Variants in NHS observed in about 807,000 individuals in gnomAD.
The protein encoded by NHS is actin remodeling regulator NHS.
NHS carries 5 observed loss-of-function variants against 72.5 expected under a neutral mutation model. That is an observed-to-expected ratio of 0.07 (90% CI 0.04 to 0.14). The LOEUF is 0.14. NHS is among the 10% of genes least tolerant of loss of function. NHS has a pLI of 1.00. For synonymous variants in NHS, 464 were observed against 547.7 expected, an observed-to-expected ratio of 0.85 and a Z score of 2.13; for missense variants, 1,072 against 1,355.7, an observed-to-expected ratio of 0.79 and a Z score of 3.29.
At chrX:17,571,539 A>G (rs4517248) in intron 1 of NHS, among the ~76,000 whole-genome samples, 49,333 of 109,531 alleles carry the variant, frequency 0.45, 8,992 homozygotes, top group East Asian at 0.76. Context: ...TTTTTATTGC[A>G]TCTATTTGAT....
intron 1 of NHS, among the ~76,000 whole-genome samples, chrX:17,503,510 T>G (rs2065044557): frequency 9.0e-6 from 1 of 111,648 alleles, no homozygotes; most frequent in African/African-American, 3.3e-5. Flanking sequence ...ATTTTACAGA[T>G]GAGGAAATAG....
At chrX:17,642,578 C>G (rs899649517) in intron 1 of NHS, among the ~76,000 whole-genome samples, 5 of 111,590 alleles carry the variant, frequency 4.5e-5, no homozygotes, top group Non-Finnish European at 9.4e-5. Flanking sequence ...AATATTAGTT[C>G]GCTTCTGGCA....
At chrX:17,678,022 G>T (rs974963525) in intron 1 of NHS, among the ~76,000 whole-genome samples, 4 of 111,305 alleles carry the variant, frequency 3.6e-5, no homozygotes, top group African/African-American at 9.8e-5. Context: ...ATGGGGTTCT[G>T]CTGTGTTGCC....
intron 1 of NHS, among the ~76,000 whole-genome samples, chrX:17,448,457 C>T (rs1341245029): frequency 8.9e-6 from 1 of 111,902 alleles, no homozygotes; most frequent in African/African-American, 3.2e-5. Context: ...TGCCTTTCTC[C>T]TTTCATGAAT....
chrX:17,611,040 A>T (rs1369846686), intron 1 of NHS, among the ~76,000 whole-genome samples: 1 of 112,407 alleles, frequency 8.9e-6, no homozygotes, highest in Non-Finnish European at 1.9e-5. Flanking sequence ...TGCGCTTAAG[A>T]TGAATCTTGA....
At chrX:17,448,037 T>C (rs1231363453) in intron 1 of NHS, among the ~76,000 whole-genome samples, 2 of 111,860 alleles carry the variant, frequency 1.8e-5, no homozygotes, top group Non-Finnish European at 3.8e-5. Context: ...ATCTGTAAGA[T>C]TGGGTTTTGA....
intron 6 of NHS, 66 bp from the exon 7 acceptor site, chrX:17,725,281 T>C: frequency 1.9e-6 from 2 of 1,063,109 alleles, no homozygotes; most frequent in Non-Finnish European, 2.6e-6. Flanking sequence ...TCTACAGACA[T>C]AGCTCAGAAT....
chrX:17,723,775 G>GCACA (rs1412050028), intron 5 of NHS, among the ~76,000 whole-genome samples: 2 of 106,295 alleles, frequency 1.9e-5, no homozygotes, highest in African/African-American at 7.1e-5. Flanking sequence ...GTGTGTGCGC[G>GCACA]CGCGTGCGCG....
intron 1 of NHS, among the ~76,000 whole-genome samples, chrX:17,570,566 T>G: frequency 8.9e-6 from 1 of 111,779 alleles, no homozygotes; most frequent in East Asian, 2.8e-4. Context: ...AAGGAGATTT[T>G]GGGCTGAGAT....
intron 1 of NHS, among the ~76,000 whole-genome samples, chrX:17,666,847 A>G (rs180721819): frequency 3.6e-5 from 4 of 112,437 alleles, no homozygotes; most frequent in Admixed American, 2.8e-4. Context: ...GAGAGAACAA[A>G]GGCTCTTGGG....
chrX:17,649,401 A>T (rs1258473848), intron 1 of NHS, among the ~76,000 whole-genome samples: 1 of 110,960 alleles, frequency 9.0e-6, no homozygotes, highest in Non-Finnish European at 1.9e-5. Context: ...TTTACATTGG[A>T]TAAGGTTTTC....
chrX:17,445,758 G>A (rs772174461), intron 1 of NHS, among the ~76,000 whole-genome samples: 1 of 100,945 alleles, frequency 9.9e-6, no homozygotes, highest in African/African-American at 3.6e-5. Flanking sequence ...AAAAAAAAAG[G>A]GGGGGGGGAC....
chrX:17,615,162 TA>T (rs1569294060), intron 1 of NHS, among the ~76,000 whole-genome samples: 1 of 38,784 alleles, frequency 2.6e-5, no homozygotes, highest in African/African-American at 9.7e-5. Flanking sequence ...GTATATATAC[TA>T]TATATATACG....
chrX:17,660,754 T>C (rs2065978493), intron 1 of NHS, among the ~76,000 whole-genome samples: 1 of 112,023 alleles, frequency 8.9e-6, no homozygotes, highest in Non-Finnish European at 1.9e-5. Context: ...AGGTTGGGCC[T>C]GTGTCTTGTT....
chrX:17,650,953 T>A (rs927558302), intron 1 of NHS, among the ~76,000 whole-genome samples: 22 of 111,964 alleles, frequency 2.0e-4, no homozygotes, highest in Non-Finnish European at 3.8e-4. Flanking sequence ...AGATGGCTAG[T>A]AGAAGAATGA....
rs778360717 is a variant in NHS at position 17,727,010 on chromosome X, C to T, written c.2904C>T (p.Thr968=). ...ATAGATCTCTATCTAATTCAAGCAC[C>T]GCTACGGGTACCACAGTCATTGAAT... is the stretch of plus-strand genomic sequence containing the variant. ...DPYRSLSNSS[T]ATGTTVIECI... is the part of the protein sequence containing the mutation. Residue 968 remains threonine (T), a synonymous_variant, in exon 7 of 9, where the codon ACC becomes ACT. Coordinates refer to ENST00000676302, the MANE Select transcript of NHS (RefSeq NM_001291867.2). The T allele has an allele frequency of 9.1e-6, 11 of 1,211,671 alleles. No individual in the cohort carries two copies. Among genetic ancestry groups the T allele is most frequent in the East Asian group, 5.9e-5 (2 of 33,830 alleles).
chrX:17,518,506 T>C (rs1368334688), intron 1 of NHS, among the ~76,000 whole-genome samples: 2 of 111,638 alleles, frequency 1.8e-5, no homozygotes, highest in African/African-American at 3.3e-5. Context: ...ACTTTTGCCC[T>C]GAACACACCA....
intron 1 of NHS, among the ~76,000 whole-genome samples, chrX:17,579,949 C>T (rs1221701539): frequency 9.0e-6 from 1 of 110,750 alleles, no homozygotes; most frequent in Non-Finnish European, 1.9e-5. Context: ...CAGAGGGTCC[C>T]CAGCAGGATG....
chrX:17,703,969 C>T (rs966842386), intron 3 of NHS, among the ~76,000 whole-genome samples: 1 of 111,840 alleles, frequency 8.9e-6, no homozygotes, highest in Non-Finnish European at 1.9e-5. Flanking sequence ...CTAAGCAAAT[C>T]AGCAGGCATA....
Sources: gnomAD v4.1 joint callset for allele counts (sites outside exome capture counted in the v4.1 genomes callset) on GRCh38, gnomAD v4.1.1 for gene constraint, MANE v1.5 for transcripts, NCBI Gene and HGNC (gene_info 2026-07-23, HGNC 2026-07-21) for gene names.